The following GPHN variants were observed in gnomAD, a reference collection of about 807,000 sequenced individuals.
GPHN encodes gephyrin.
In GPHN, 17 loss-of-function variants were observed where a neutral mutation model predicts 95.5. The ratio of observed to expected loss-of-function variants is 0.18; its 90% CI spans 0.12 to 0.27. The LOEUF is 0.27. GPHN is among the 10% of genes least tolerant of loss of function. GPHN has a pLI of 1.00. For missense variants in GPHN, 660 were observed against 978.1 expected (o/e 0.67, Z 4.34); for synonymous variants, 320 against 322.5 (o/e 0.99, Z 0.08).
At chr14:67,316,528 A>G in the GPHN span, among the ~76,000 whole-genome samples, 1 of 152,226 alleles carries the variant, frequency 6.6e-6, no homozygotes, top group African/African-American at 2.4e-5. Context: ...GATCCAGGAT[A>G]GTACTTTTCC....
intron 11 of GPHN, among the ~76,000 whole-genome samples, chr14:67,073,395 G>T (rs2076381274): frequency 6.6e-6 from 1 of 152,074 alleles, no homozygotes; most frequent in South Asian, 2.1e-4. Context: ...ACTGAAAAAA[G>T]TAGGCATTTG....
chr14:66,596,344 G>T (rs1353828052), intron 1 of GPHN, among the ~76,000 whole-genome samples: 1 of 152,078 alleles, frequency 6.6e-6, no homozygotes, highest in Admixed American at 6.5e-5. Context: ...ACCTGAAGAT[G>T]AGGTTTCACC....
chr14:66,842,610 T>C, intron 4 of GPHN: 1 of 1,183,946 alleles, frequency 8.4e-7, no homozygotes, highest in Admixed American at 2.0e-5. Flanking sequence ...TGTACAGCCC[T>C]AAATTTGACC....
chr14:66,553,697 C>A (rs2059905569), intron 1 of GPHN, among the ~76,000 whole-genome samples: 1 of 152,192 alleles, frequency 6.6e-6, no homozygotes, highest in Non-Finnish European at 1.5e-5. Flanking sequence ...CTGCGTCAGC[C>A]TCCTGAGTAG....
At chr14:66,673,154 G>A (rs566902281) in intron 1 of GPHN, among the ~76,000 whole-genome samples, 3 of 151,956 alleles carry the variant, frequency 2.0e-5, no homozygotes, top group African/African-American at 4.8e-5. Flanking sequence ...GTACAGTGGC[G>A]CGATCTCTGC....
chr14:66,752,321 TA>T (rs2058397343), intron 2 of GPHN, among the ~76,000 whole-genome samples: 1 of 152,170 alleles, frequency 6.6e-6, no homozygotes, highest in Non-Finnish European at 1.5e-5. Flanking sequence ...CTTTTTGCCA[TA>T]AGAGAAGGTT....
At chr14:66,580,154 A>AAAC (rs1278266967) in intron 1 of GPHN, among the ~76,000 whole-genome samples, 1 of 151,842 alleles carries the variant, frequency 6.6e-6, no homozygotes, top group African/African-American at 2.4e-5. Flanking sequence ...AAGGACAATA[A>AAAC]AACAATACCT....
At chr14:67,024,708 T>C (rs754387376) in intron 10 of GPHN, among the ~76,000 whole-genome samples, 3 of 152,178 alleles carry the variant, frequency 2.0e-5, no homozygotes, top group African/African-American at 4.8e-5. Flanking sequence ...AGCAGCAATG[T>C]ATGACAGCAT....
At chr14:66,709,548 G>A (rs1039458985) in intron 2 of GPHN, 1 of 367,672 alleles carries the variant, frequency 2.7e-6, no homozygotes, top group African/African-American at 2.1e-5. Flanking sequence ...GTGGGAAGGT[G>A]TAAAATTTCA....
chr14:67,430,945 T>A, the GPHN span, among the ~76,000 whole-genome samples: 2,346 of 152,152 alleles, frequency 0.015, 52 homozygotes, highest in African/African-American at 0.052. Flanking sequence ...CGCCTTTGTG[T>A]TTACATACAA....
rs547620850 is a variant in GPHN, at chr14:67,123,809, A to AT, written c.1748+1443dup. Among the ~76,000 whole-genome samples, 617 of 148,278 alleles carry AT rather than the reference A, an allele frequency of 4.2e-3. 12 individuals are homozygous for AT. The highest frequency in any genetic ancestry group is 0.03 in the Admixed American group (445 of 14,922). On this transcript the variant is annotated intron_variant, in intron 17 of 22. Coordinates refer to ENST00000478722, the MANE Select transcript of GPHN (RefSeq NM_020806.5). ...TAAAACATTATGAGATTTTTTTGCGATTTTTTTTTTTAGCTCATTAGCTAT... is the reference window on the plus strand; with the variant it reads ...TAAAACATTATGAGATTTTTTTGCGATTTTTTTTTTTTAGCTCATTAGCTAT...
intron 10 of GPHN, among the ~76,000 whole-genome samples, chr14:67,055,904 C>T (rs765281453): frequency 6.6e-6 from 1 of 152,192 alleles, no homozygotes; most frequent in Non-Finnish European, 1.5e-5. Context: ...CAGTGAGTGT[C>T]ACAGCTCTTA....
At chr14:67,099,259 G>T (rs1203365365) in intron 12 of GPHN, among the ~76,000 whole-genome samples, 1 of 152,016 alleles carries the variant, frequency 6.6e-6, no homozygotes, top group Non-Finnish European at 1.5e-5. Flanking sequence ...ACAGGCATGT[G>T]CCACCATGCC....
At position 66,979,028 on chromosome 14, in the gene GPHN, T is replaced by C. The variant is rs1488825146; in HGVS notation, c.963+13703T>C. 2.6e-5 allele frequency among the ~76,000 whole-genome samples: 4 copies of C among 152,202 alleles called. 1 individual carries two copies. The highest frequency in any genetic ancestry group is 5.9e-5 in the Non-Finnish European group (4 of 68,028). ...GAAAGGAATCTTTTTGTCTAAGCAG[T>C]GGATTTAACATATTTAGTAAACCAT... On this transcript the variant is annotated intron_variant, in intron 9 of 22. Coordinates refer to ENST00000478722, the MANE Select transcript of GPHN (RefSeq NM_020806.5).
At chr14:66,663,288 C>T (rs909033883) in intron 1 of GPHN, among the ~76,000 whole-genome samples, 3 of 152,148 alleles carry the variant, frequency 2.0e-5, no homozygotes, top group Non-Finnish European at 4.4e-5. Flanking sequence ...TCAGCGGAAA[C>T]CCTACATGTC....
chr14:67,489,992 A>C, the GPHN span, among the ~76,000 whole-genome samples: 1 of 148,276 alleles, frequency 6.7e-6, no homozygotes, highest in Non-Finnish European at 1.5e-5. Flanking sequence ...TCCGTCTCAA[A>C]AAAAAAAAAA....
intron 1 of GPHN, among the ~76,000 whole-genome samples, chr14:66,611,725 T>C (rs2062789394): frequency 6.6e-6 from 1 of 152,182 alleles, no homozygotes; most frequent in Non-Finnish European, 1.5e-5. Flanking sequence ...TGTAACTTGA[T>C]ATTTGCTCTT....
chr14:67,584,244 C>T, the GPHN span: 3 of 967,972 alleles, frequency 3.1e-6, no homozygotes, highest in Admixed American at 2.3e-5. Flanking sequence ...GTCACTATCC[C>T]TCCACTGTTT....
chr14:67,006,563 T>C (rs1567204851), intron 9 of GPHN, among the ~76,000 whole-genome samples: 1 of 152,184 alleles, frequency 6.6e-6, no homozygotes, highest in African/African-American at 2.4e-5. Flanking sequence ...AAAAATTCCA[T>C]AGCAATCTAG....
Sources: allele counts gnomAD v4.1 joint callset (sites outside exome capture counted in the v4.1 genomes callset), GRCh38; gene constraint gnomAD v4.1.1; transcripts MANE v1.5; gene names NCBI Gene and HGNC (gene_info 2026-07-23, HGNC 2026-07-21).